Variants in POU6F2 observed in about 807,000 individuals in gnomAD.
The protein encoded by POU6F2 is POU domain, class 6, transcription factor 2.
In POU6F2, 31 loss-of-function variants were observed where a neutral mutation model predicts 71.3. That is an observed-to-expected ratio of 0.43 (90% confidence interval 0.33 to 0.59). The LOEUF (loss-of-function observed/expected upper bound fraction) is 0.59, where lower values mean the gene tolerates loss of function less well. POU6F2 is among the 20% of genes least tolerant of loss of function. The pLI is 0.04. For synonymous variants in POU6F2, 347 were observed against 355.7 expected (o/e 0.98, Z 0.27); for missense variants, 783 against 856.8 (o/e 0.91, Z 1.07).
chr7:39,420,273 G>A (rs1263092407), intron 6 of POU6F2, among the ~76,000 whole-genome samples: 2 of 152,036 alleles, frequency 1.3e-5, no homozygotes. Flanking sequence ...TAATACAAAG[G>A]GTAACATTAC....
chr7:39,200,184 T>C (rs7802746), intron 2 of POU6F2, among the ~76,000 whole-genome samples: 56,841 of 151,992 alleles, frequency 0.37, 10,945 homozygotes, highest in South Asian at 0.49. Flanking sequence ...ATGGCAGTCT[T>C]AGCGCAAAGG....
chr7:39,203,791 C>T (rs1254007652), intron 2 of POU6F2, among the ~76,000 whole-genome samples: 1 of 151,996 alleles, frequency 6.6e-6, no homozygotes, highest in African/African-American at 2.4e-5. Flanking sequence ...ATTCAGTGTT[C>T]AAAGAGTACG....
intron 2 of POU6F2, among the ~76,000 whole-genome samples, chr7:39,169,996 A>G (rs1217144430): frequency 1.3e-5 from 2 of 152,102 alleles, no homozygotes; most frequent in Non-Finnish European, 2.9e-5. Context: ...CAGCCTGGCC[A>G]ACATGGCGAA....
chr7:39,439,259 C>A (rs1250056686), intron 7 of POU6F2, among the ~76,000 whole-genome samples: 4 of 151,946 alleles, frequency 2.6e-5, no homozygotes, highest in Admixed American at 2.6e-4. Context: ...TGTCTTTGCA[C>A]ATGAGATGGG....
At chr7:39,379,774 A>G (rs1428260032) in intron 5 of POU6F2, among the ~76,000 whole-genome samples, 1 of 151,590 alleles carries the variant, frequency 6.6e-6, no homozygotes, top group Admixed American at 6.6e-5. Flanking sequence ...ACCAACACCA[A>G]CTCCCCTGGT....
At chr7:39,237,978 G>A (rs1178944304) in intron 4 of POU6F2, among the ~76,000 whole-genome samples, 1 of 152,028 alleles carries the variant, frequency 6.6e-6, no homozygotes, top group Non-Finnish European at 1.5e-5. Context: ...GGTTGTTCTT[G>A]CTCTTTGAAT....
intron 2 of POU6F2, among the ~76,000 whole-genome samples, chr7:39,142,778 C>A (rs928738032): frequency 2.0e-5 from 3 of 152,198 alleles, no homozygotes; most frequent in Non-Finnish European, 4.4e-5. Flanking sequence ...AGCACCCTTA[C>A]ACCTTCTTTC....
chr7:39,204,901 C>CTTTTTTTT (rs36029859), intron 3 of POU6F2, among the ~76,000 whole-genome samples: 1 of 126,188 alleles, frequency 7.9e-6, no homozygotes. Flanking sequence ...AAAGGCTGGG[C>CTTTTTTTT]TTTTTTTTTT....
At chr7:39,419,548 G>A (rs916141360) in intron 6 of POU6F2, among the ~76,000 whole-genome samples, 7 of 151,748 alleles carry the variant, frequency 4.6e-5, no homozygotes, top group African/African-American at 1.7e-4. Context: ...CCTAAAGTAG[G>A]GTCTGTTTAA....
chr7:39,273,434 C>T (rs776598426), intron 4 of POU6F2, among the ~76,000 whole-genome samples: 14 of 152,130 alleles, frequency 9.2e-5, no homozygotes, highest in Non-Finnish European at 1.9e-4. Context: ...ATAACCCCGT[C>T]GAATCAAGAT....
At chr7:39,437,121 T>A (rs1165595562) in intron 7 of POU6F2, among the ~76,000 whole-genome samples, 1 of 152,224 alleles carries the variant, frequency 6.6e-6, no homozygotes, top group East Asian at 1.9e-4. Context: ...GGTATCAGGA[T>A]GGTGCTGGCT....
intron 5 of POU6F2, 119 bp from the exon 6 acceptor site, chr7:39,406,481 C>T: frequency 8.1e-7 from 1 of 1,238,414 alleles, no homozygotes. Flanking sequence ...CCGGTGGGTT[C>T]CAGGCCCTTT....
chr7:39,398,928 A>G (rs1422141921), intron 5 of POU6F2, among the ~76,000 whole-genome samples: 1 of 152,218 alleles, frequency 6.6e-6, no homozygotes, highest in African/African-American at 2.4e-5. Flanking sequence ...ACTACAACTA[A>G]AGAAACAGAC....
chr7:39,234,644 A>C (rs1794639345), intron 4 of POU6F2, among the ~76,000 whole-genome samples: 1 of 152,080 alleles, frequency 6.6e-6, no homozygotes, highest in Non-Finnish European at 1.5e-5. Context: ...TTCATATGCA[A>C]CCTATCTCTA....
intron 4 of POU6F2, among the ~76,000 whole-genome samples, chr7:39,297,629 T>A (rs924431034): frequency 1.3e-5 from 2 of 152,196 alleles, no homozygotes; most frequent in African/African-American, 4.8e-5. Context: ...GATGGATATT[T>A]CTACAATACA....
intron 2 of POU6F2, among the ~76,000 whole-genome samples, chr7:39,114,792 A>G (rs1238313836): frequency 6.6e-6 from 1 of 152,142 alleles, no homozygotes; most frequent in Non-Finnish European, 1.5e-5. Flanking sequence ...CTAATTGGAG[A>G]AATCATCACA....
chr7:39,133,275 G>A (rs572082859), intron 2 of POU6F2, among the ~76,000 whole-genome samples: 246 of 152,326 alleles, frequency 1.6e-3, no homozygotes, highest in Non-Finnish European at 3.0e-3. Context: ...TGACTAATAC[G>A]AGAATGTCCC....
intron 1 of POU6F2, among the ~76,000 whole-genome samples, chr7:39,035,602 C>T (rs1017532699): frequency 2.6e-5 from 4 of 151,984 alleles, no homozygotes; most frequent in African/African-American, 7.2e-5. Flanking sequence ...TTCTAACCTA[C>T]GGGGGAAAAT....
At chr7:39,463,929 T>C (rs1789006489) in intron 9 of POU6F2, among the ~76,000 whole-genome samples, 1 of 152,192 alleles carries the variant, frequency 6.6e-6, no homozygotes, top group South Asian at 2.1e-4. Flanking sequence ...ATGCCTATGA[T>C]ATGTTATGAT....
Sources: allele counts gnomAD v4.1 joint callset (sites outside exome capture counted in the v4.1 genomes callset), GRCh38; gene constraint gnomAD v4.1.1; transcripts MANE v1.5; gene names NCBI Gene and HGNC (gene_info 2026-07-23, HGNC 2026-07-21).